The following ACYP2 variants were observed in gnomAD, a reference collection of about 807,000 sequenced individuals.
ACYP2 encodes the protein acylphosphatase-2.
A neutral mutation model predicts 11.2 loss-of-function variants in ACYP2; 12 were observed. That is an observed-to-expected ratio of 1.08 (90% CI 0.69 to 1.74). The LOEUF (loss-of-function observed/expected upper bound fraction) is 1.74, where lower values mean the gene tolerates loss of function less well. ACYP2 is among the 40% of genes most tolerant of loss of function. The pLI, the probability that ACYP2 is intolerant of heterozygous loss-of-function variation, is 0.00. For synonymous variants in ACYP2, 43 were observed against 32.2 expected, an observed-to-expected ratio of 1.33 and a Z score of -1.13; for missense variants, 134 against 101.9, an observed-to-expected ratio of 1.31 and a Z score of -1.35.
chr2:54,127,592 C>CA (rs1045636835), intron 4 of ACYP2, among the ~76,000 whole-genome samples: 1 of 151,610 alleles, frequency 6.6e-6, no homozygotes, highest in African/African-American at 2.4e-5. Context: ...TACAAAAATA[C>CA]AAAAAATTAG....
intron 6 of ACYP2, among the ~76,000 whole-genome samples, chr2:54,252,749 A>G (rs1687285300): frequency 6.6e-6 from 1 of 151,986 alleles, no homozygotes; most frequent in South Asian, 2.1e-4. Context: ...CTAAAAATAC[A>G]AAAAATTAGC....
At chr2:54,008,080 C>T (rs1002962473) in intron 2 of ACYP2, among the ~76,000 whole-genome samples, 3 of 152,300 alleles carry the variant, frequency 2.0e-5, no homozygotes, top group Middle Eastern at 3.4e-3. Flanking sequence ...ATTTTGCAAA[C>T]GCAGTTTCAC....
At chr2:54,201,612 CTT>C (rs1203130787) in intron 6 of ACYP2, among the ~76,000 whole-genome samples, 3 of 77,822 alleles carry the variant, frequency 3.9e-5, no homozygotes, top group East Asian at 1.8e-3. Context: ...TTCTTTCTTT[CTT>C]TCTTTCTTTG....
chr2:54,217,407 C>G (rs965966047), intron 6 of ACYP2, among the ~76,000 whole-genome samples: 1 of 152,124 alleles, frequency 6.6e-6, no homozygotes, highest in African/African-American at 2.4e-5. Flanking sequence ...TGCTCTGTCA[C>G]CCAGGCTGGA....
At chr2:54,035,554 C>G (rs188758036) in intron 2 of ACYP2, among the ~76,000 whole-genome samples, 1 of 152,102 alleles carries the variant, frequency 6.6e-6, no homozygotes, top group Admixed American at 6.6e-5. Flanking sequence ...TGCAAGCCAC[C>G]GCTCCCGGCC....
At chr2:54,276,989 CTAT>C (rs1688625210) in intron 6 of ACYP2, among the ~76,000 whole-genome samples, 1 of 152,074 alleles carries the variant, frequency 6.6e-6, no homozygotes, top group African/African-American at 2.4e-5. Flanking sequence ...AATTTAATGG[CTAT>C]TATTTCTATT....
intron 3 of ACYP2, among the ~76,000 whole-genome samples, chr2:54,055,237 A>G (rs1676076979): frequency 6.6e-6 from 1 of 152,088 alleles, no homozygotes; most frequent in Non-Finnish European, 1.5e-5. Context: ...GGGTTTCACC[A>G]TGTTGGCCAA....
Position 53,992,119 on chromosome 2 carries a change from CCTTTCTTCCTT to C in ACYP2, c.62+18322_62+18332del, listed in dbSNP as rs547537041. 6.2e-4 allele frequency among the ~76,000 whole-genome samples: 93 copies of C among 149,196 alleles called. 1 individual carries two copies. The highest frequency in any genetic ancestry group is 2.0e-3 in the African/African-American group (82 of 40,452). On this transcript the variant is annotated intron_variant, in intron 2 of 6. Transcript: ENST00000607452. The stretch of plus-strand genomic sequence containing the variant: ...TCCTCCTTCCCTCCCTCCCTCTCTC[CCTTTCTTCCTT>C]CTTTCTTCCTTCCTTTCTTTCTTTC...
intron 6 of ACYP2, among the ~76,000 whole-genome samples, chr2:54,291,334 C>T (rs1689294273): frequency 6.6e-6 from 1 of 152,162 alleles, no homozygotes; most frequent in Non-Finnish European, 1.5e-5. Flanking sequence ...GTGCTGAGAA[C>T]CCTGTACCAG....
intron 4 of ACYP2, among the ~76,000 whole-genome samples, chr2:54,082,249 T>C (rs954779342): frequency 1.3e-5 from 2 of 148,686 alleles, no homozygotes; most frequent in African/African-American, 4.9e-5. Context: ...GCTCTTTTTT[T>C]TTTCTTTTTT....
chr2:54,170,444 C>G (rs543614297), intron 6 of ACYP2, among the ~76,000 whole-genome samples: 4 of 152,138 alleles, frequency 2.6e-5, no homozygotes, highest in Admixed American at 6.6e-5. Context: ...TGAGCCACCA[C>G]GCCTGGCCAG....
chr2:54,294,680 G>A (rs1035293783), intron 6 of ACYP2, among the ~76,000 whole-genome samples: 2 of 152,026 alleles, frequency 1.3e-5, no homozygotes, highest in Non-Finnish European at 2.9e-5. Context: ...GGAGGCTGAG[G>A]TGTGAGAAGT....
In ACYP2 at chr2:54,288,963, A is replaced by G. The variant is rs374131785; in HGVS notation, c.405-15725A>G. Among the ~76,000 whole-genome samples, 9 of 152,086 alleles carry G rather than the reference A, an allele frequency of 5.9e-5. 1 individual carries two copies. Among genetic ancestry groups the G allele is most frequent in the African/African-American group, 1.9e-4 (8 of 41,370 alleles). On this transcript the variant is annotated intron_variant, in intron 6 of 6. Coordinates refer to ENST00000607452, the MANE Select transcript of ACYP2 (RefSeq NM_001320586.2). ...CATGGTTGTAACTTCTGCGACCCCA[A>G]GCTTTTAATTCTATTCAAAGCCTCA... is the stretch of plus-strand genomic sequence containing the variant.
At chr2:54,123,351 T>G in intron 4 of ACYP2, 1 of 398,572 alleles carries the variant, frequency 2.5e-6, no homozygotes. Flanking sequence ...TAGGAAAAAG[T>G]CAGGGAGGTT....
At chr2:54,259,965 T>C (rs1687710106) in intron 6 of ACYP2, among the ~76,000 whole-genome samples, 1 of 152,150 alleles carries the variant, frequency 6.6e-6, no homozygotes, top group Admixed American at 6.5e-5. Context: ...AGATGAAGCA[T>C]GTGTAAAGAA....
chr2:54,042,374 T>C (rs1675279723), intron 2 of ACYP2, among the ~76,000 whole-genome samples: 1 of 152,236 alleles, frequency 6.6e-6, no homozygotes, highest in African/African-American at 2.4e-5. Flanking sequence ...GGTGTTAAGC[T>C]ATAAACGTTG....
intron 6 of ACYP2, among the ~76,000 whole-genome samples, chr2:54,282,460 C>T (rs1282594255): frequency 6.6e-6 from 1 of 152,192 alleles, no homozygotes; most frequent in Admixed American, 6.5e-5. Context: ...ATGTCAAGAT[C>T]CTAAAACTAT....
intron 4 of ACYP2, among the ~76,000 whole-genome samples, chr2:54,060,251 T>C (rs182533662): frequency 1.7e-3 from 259 of 152,324 alleles, no homozygotes; most frequent in African/African-American, 6.1e-3. Flanking sequence ...CTTATTTTTT[T>C]CTCTCTTTTT....
intron 4 of ACYP2, among the ~76,000 whole-genome samples, chr2:54,112,751 A>C (rs1304316847): frequency 6.6e-6 from 1 of 152,256 alleles, no homozygotes; most frequent in Admixed American, 6.5e-5. Context: ...CATTTTCTAA[A>C]GACTTAGAAT....
Sources: allele counts gnomAD v4.1 joint callset (sites outside exome capture counted in the v4.1 genomes callset), GRCh38; gene constraint gnomAD v4.1.1; transcripts MANE v1.5; gene names NCBI Gene and HGNC (gene_info 2026-07-23, HGNC 2026-07-21).